Variants in CPS1 observed in about 807,000 individuals in gnomAD.
CPS1 encodes the protein carbamoyl-phosphate synthase 1.
CPS1 carries 109 observed loss-of-function variants against 174.6 expected under a neutral mutation model. The observed-to-expected ratio is 0.62, with a 90% confidence interval of 0.53 to 0.73. The LOEUF is 0.73. CPS1 is among the 30% of genes least tolerant of loss of function. The pLI is 0.00. For synonymous variants in CPS1, 637 were observed against 632.0 expected (o/e 1.01, Z -0.12); for missense variants, 1,689 against 1,821.9 (o/e 0.93, Z 1.33).
intron 1 of CPS1, among the ~76,000 whole-genome samples, chr2:210,507,711 A>T (rs1254674965): frequency 3.9e-5 from 6 of 151,966 alleles, no homozygotes; most frequent in East Asian, 1.9e-4. Context: ...AAACAAAAAA[A>T]GGCAGGGGTT....
At chr2:210,514,771 C>G (rs908496842) in intron 1 of CPS1, among the ~76,000 whole-genome samples, 1 of 139,626 alleles carries the variant, frequency 7.2e-6, no homozygotes, top group African/African-American at 2.6e-5. Flanking sequence ...TTCCAGTTCT[C>G]AATGGGAATG....
In CPS1 at chr2:210,612,154, A is replaced by T; in HGVS notation, c.2429A>T (p.Gln810Leu). 1 of 1,612,262 alleles carries T rather than the reference A, an allele frequency of 6.2e-7. No individual in the cohort carries two copies. Among genetic ancestry groups the T allele is most frequent in the Non-Finnish European group, 8.5e-7 (1 of 1,178,780 alleles). ...AIGRTFEESF[Q>L]KALRMCHPSI... ...GGTCGTACCTTTGAGGAGAGTTTCC[A>T]GAAAGCTTTACGGATGTGCCACCCA... is the stretch of plus-strand genomic sequence containing the variant. The change falls in exon 20 of 38, where the codon CAG becomes CTG. Residue 810 changes from glutamine (Q) to leucine (L), a missense_variant. Transcript: ENST00000233072.
rs1307466483 is a variant in CPS1, at chr2:210,628,514, A to G, written c.2688-9188A>G. On this transcript the variant is annotated intron_variant, in intron 21 of 37. Transcript: ENST00000233072. The stretch of plus-strand genomic sequence containing the variant: ...TATATATCTTACATTTTTCTAGGAA[A>G]AAAATAAGCAGTAGTTATTAGTAGA... 1.1e-4 allele frequency among the ~76,000 whole-genome samples: 16 copies of G among 152,348 alleles called. No individual in the cohort carries two copies. The East Asian group carries it at 2.9e-3, about 28-fold the overall frequency.
upstream of CPS1, among the ~76,000 whole-genome samples, chr2:210,553,232 T>G (rs1696776325): frequency 6.6e-6 from 1 of 151,928 alleles, no homozygotes; most frequent in South Asian, 2.1e-4. Context: ...AGCATTGACA[T>G]AAATGCTAGA....
intron 1 of CPS1, among the ~76,000 whole-genome samples, chr2:210,478,927 TTCC>T (rs1199882060): frequency 1.0e-3 from 11 of 10,976 alleles, no homozygotes; most frequent in East Asian, 0.029. Flanking sequence ...CCCTCCCCCC[TTCC>T]CCCCTCCCTT....
chr2:210,567,314 A>C (rs1408846192), intron 1 of CPS1, among the ~76,000 whole-genome samples: 1 of 152,180 alleles, frequency 6.6e-6, no homozygotes, highest in African/African-American at 2.4e-5. Flanking sequence ...TACCAGGATT[A>C]TACATAGATC....
rs777282837 is a variant in CPS1, at chr2:210,612,232, A to G, written c.2507A>G (p.Asn836Ser). The change falls in exon 20 of 38, where the codon AAT becomes AGT. Residue 836 changes from asparagine to serine, a missense_variant. Physicochemically the swap from Asn to Ser is conservative, Grantham distance 46. Transcript: ENST00000233072. ...RLPMNKEWPS[N>S]LDLRKELSEP... ...CCAATGAACAAAGAATGGCCATCTA[A>G]TTTAGATCTTAGAAAAGAGTTGTCT... The G allele has an allele frequency of 2.5e-6, 4 of 1,612,262 alleles. No individual in the cohort carries two copies. Among genetic ancestry groups the G allele is most frequent in the Non-Finnish European group, 3.4e-6 (4 of 1,178,870 alleles).
intron 1 of CPS1, among the ~76,000 whole-genome samples, chr2:210,570,327 C>T (rs1189284463): frequency 2.6e-5 from 4 of 151,874 alleles, no homozygotes; most frequent in Non-Finnish European, 5.9e-5. Flanking sequence ...AATGTCTCTT[C>T]AACTACAGAG....
At chr2:210,540,188 G>A (rs1444150581) in intron 1 of CPS1, among the ~76,000 whole-genome samples, 1 of 152,150 alleles carries the variant, frequency 6.6e-6, no homozygotes, top group Non-Finnish European at 1.5e-5. Flanking sequence ...TGTTAGCACT[G>A]TGTTCTTACT....
intron 27 of CPS1, among the ~76,000 whole-genome samples, chr2:210,649,705 T>G (rs930271603): frequency 6.6e-6 from 1 of 152,178 alleles, no homozygotes; most frequent in Non-Finnish European, 1.5e-5. Context: ...TTTTTCTTAT[T>G]TTTATTTTTG....
chr2:210,620,384 T>C (rs1406198205), intron 21 of CPS1, among the ~76,000 whole-genome samples: 2 of 152,080 alleles, frequency 1.3e-5, no homozygotes, highest in Non-Finnish European at 2.9e-5. Flanking sequence ...GATAAACATG[T>C]TTCATGTTCA....
intron 1 of CPS1, among the ~76,000 whole-genome samples, chr2:210,480,375 T>A (rs922393192): frequency 1.3e-5 from 2 of 152,192 alleles, no homozygotes; most frequent in Admixed American, 1.3e-4. Flanking sequence ...TCAGCTACAA[T>A]GAAAGAAGGG....
At position 210,639,598 on chromosome 2, in the gene CPS1, G is replaced by A. The variant is rs1700148130; in HGVS notation, c.2895+383G>A. On this transcript the variant is annotated intron_variant, in intron 23 of 37. Transcript: ENST00000233072. ...CTGCAGTCCGCAGTCCGGCCTGGGC[G>A]ACAGAGCGAGACTCCGTCTCAAAAA... 2.6e-5 allele frequency among the ~76,000 whole-genome samples: 3 copies of A among 113,488 alleles called. No individual in the cohort carries two copies. The South Asian group carries it at 8.8e-4, about 33-fold the overall frequency. The allele number at this position is 113,488 out of a possible 152,430, so 74.5% of individuals were successfully genotyped here.
At chr2:210,524,360 A>C (rs1695914663) in intron 1 of CPS1, among the ~76,000 whole-genome samples, 1 of 152,038 alleles carries the variant, frequency 6.6e-6, no homozygotes. Flanking sequence ...AAATTAACTT[A>C]ACTAATATTT....
rs548479131 is a variant in CPS1, at chr2:210,668,423, A to G, written c.4101+139A>G. On this transcript the variant is annotated intron_variant, in intron 34 of 37. Transcript: ENST00000233072. ...TTATGGCAACTTCCAGGAAGAAGGG[A>G]CATTTGTTCTCTATTTGCTTCCTGA... 53 of 725,260 alleles carry G rather than the reference A, an allele frequency of 7.3e-5. 1 individual carries two copies. The African/African-American group carries it at 8.3e-4, about 11-fold the overall frequency. 44.9% of individuals were successfully genotyped at this position (725,260 alleles called of 1,614,324 possible).
At position 210,574,822 on chromosome 2, in the gene CPS1, A is replaced by G. The variant is rs1451305926; in HGVS notation, c.236+1415A>G. 2.6e-5 allele frequency among the ~76,000 whole-genome samples: 4 copies of G among 152,034 alleles called. No individual in the cohort carries two copies. The East Asian group carries it at 5.8e-4, about 22-fold the overall frequency. ...TAAGCATATGTTTAAAGGGAATGGT[A>G]AGTTCTTTTATGGAAAGAAAGAAGA... is the stretch of plus-strand genomic sequence containing the variant. On this transcript the variant is annotated intron_variant, in intron 2 of 37. Coordinates refer to ENST00000233072, the MANE Select transcript of CPS1 (RefSeq NM_001875.5).
chr2:210,600,441 A>G, intron 14 of CPS1, 114 bp from the exon 15 acceptor site: 3 of 1,004,542 alleles, frequency 3.0e-6, no homozygotes, highest in Non-Finnish European at 4.5e-6. Flanking sequence ...TCTATTGTAG[A>G]CAGTGGTAAC....
At chr2:210,608,620 C>T in intron 19 of CPS1, 61 bp downstream of exon 19, 2 of 1,526,944 alleles carry the variant, frequency 1.3e-6, no homozygotes, top group Non-Finnish European at 1.8e-6. Flanking sequence ...AAATTTGTGA[C>T]ACCATTGACA....
At chr2:210,663,259 G>T (rs968547848) in intron 33 of CPS1, 62 bp downstream of exon 33, 9 of 1,460,996 alleles carry the variant, frequency 6.2e-6, no homozygotes, top group Middle Eastern at 1.7e-4. Flanking sequence ...ATGGTTTTAT[G>T]ATTTGAATAC....
Sources: gnomAD v4.1 joint callset for allele counts (sites outside exome capture counted in the v4.1 genomes callset) on GRCh38, gnomAD v4.1.1 for gene constraint, MANE v1.5 for transcripts, NCBI Gene and HGNC (gene_info 2026-07-23, HGNC 2026-07-21) for gene names.